The following CFH variants were observed in gnomAD, a reference collection of about 807,000 sequenced individuals.
The protein encoded by CFH is complement factor H.
A neutral mutation model predicts 147.3 loss-of-function variants in CFH; 53 were observed. That is an observed-to-expected ratio of 0.36 (90% confidence interval 0.29 to 0.45). The LOEUF (loss-of-function observed/expected upper bound fraction) is 0.45. CFH is among the 20% of genes least tolerant of loss of function. The pLI, the probability that CFH is intolerant of heterozygous loss-of-function variation, is 1.00. For missense variants in CFH, 1,380 were observed against 1,498.0 expected (o/e 0.92, Z 1.30); for synonymous variants, 536 against 489.4 (o/e 1.10, Z -1.26).
chr1:196,700,371 C>A (rs2149095837), intron 9 of CFH, among the ~76,000 whole-genome samples: 1 of 152,188 alleles, frequency 6.6e-6, no homozygotes, highest in South Asian at 2.1e-4. Context: ...TCATGGCAAG[C>A]ACCCAGACAT....
intron 2 of CFH, 127 bp downstream of exon 2, chr1:196,673,290 T>C: frequency 1.4e-6 from 1 of 719,724 alleles, no homozygotes; most frequent in Non-Finnish European, 2.2e-6. Flanking sequence ...ATACATAATC[T>C]TTTTTTTTTG....
chr1:196,716,036 A>G (rs1370579834), intron 11 of CFH, among the ~76,000 whole-genome samples: 1 of 152,060 alleles, frequency 6.6e-6, no homozygotes, highest in Non-Finnish European at 1.5e-5. Flanking sequence ...AAAGCTTTCA[A>G]ATTATTTAGA....
Position 196,725,257 on chromosome 1 carries a change from C to T in CFH, c.1833C>T (p.Cys611=), listed in dbSNP as rs748267126. ...FTIVGPNSVQ[C]YHFGLSPDLP... is the part of the protein sequence containing the mutation. ...TAGTTGGACCTAATTCCGTTCAGTG[C>T]TACCACTTTGGATTGTCTCCTGACC... Residue 611 remains cysteine (C), a synonymous_variant, in exon 12 of 22, where the codon TGC becomes TGT. Transcript: ENST00000367429. 3.3e-5 allele frequency: 53 copies of T among 1,613,810 alleles called. No homozygotes were observed. Among genetic ancestry groups the T allele is most frequent in the Non-Finnish European group, 4.3e-5 (51 of 1,179,884 alleles).
intron 17 of CFH, among the ~76,000 whole-genome samples, chr1:196,738,895 C>A (rs777661290): frequency 3.3e-5 from 5 of 152,320 alleles, no homozygotes; most frequent in Non-Finnish European, 7.4e-5. Context: ...TGGGCTCCCC[C>A]CTGCAGCAAA....
chr1:196,743,243 A>ACCCC (rs1652872969), intron 19 of CFH, among the ~76,000 whole-genome samples: 1 of 152,242 alleles, frequency 6.6e-6, no homozygotes, highest in African/African-American at 2.4e-5. Flanking sequence ...ATGAAGAAGA[A>ACCCC]ATTTAAAACA....
At chr1:196,694,292 G>A (rs577077759) in intron 9 of CFH, among the ~76,000 whole-genome samples, 1 of 152,222 alleles carries the variant, frequency 6.6e-6, no homozygotes, top group East Asian at 1.9e-4. Flanking sequence ...TGCTGAAGAT[G>A]ATGGTTTCCA....
At chr1:196,714,756 A>C (rs1668827776) in intron 10 of CFH, among the ~76,000 whole-genome samples, 1 of 140,068 alleles carries the variant, frequency 7.1e-6, no homozygotes, top group African/African-American at 2.7e-5. Context: ...GCTGGAGTGC[A>C]GTGGCATGAT....
intron 18 of CFH, 125 bp downstream of exon 18, chr1:196,740,917 G>T: frequency 1.0e-6 from 1 of 983,646 alleles, no homozygotes; most frequent in Non-Finnish European, 1.6e-6. Flanking sequence ...ATTCTGGACT[G>T]CTGTGGGAAA....
At chr1:196,691,301 C>T (rs1412722587) in intron 9 of CFH, among the ~76,000 whole-genome samples, 1 of 152,006 alleles carries the variant, frequency 6.6e-6, no homozygotes, top group Non-Finnish European at 1.5e-5. Context: ...ATTTGACTTT[C>T]TCTAGTATAT....
chr1:196,733,880 A>T (rs1417958794), intron 15 of CFH, among the ~76,000 whole-genome samples: 1 of 152,090 alleles, frequency 6.6e-6, no homozygotes, highest in Admixed American at 6.6e-5. Context: ...AAGTAGCCAC[A>T]GGAAGAATAT....
chr1:196,698,451 CAAAT>C (rs1313042563), intron 9 of CFH, among the ~76,000 whole-genome samples: 4 of 152,104 alleles, frequency 2.6e-5, no homozygotes, highest in African/African-American at 7.2e-5. Context: ...CACCTCTACA[CAAAT>C]AAAGTAGAAA....
At chr1:196,713,647 A>C in intron 9 of CFH, 88 bp from the exon 10 acceptor site, 6 of 885,112 alleles carry the variant, frequency 6.8e-6, no homozygotes, top group South Asian at 1.6e-5. Context: ...CAAATGACTC[A>C]TTATTTTTTA....
At chr1:196,736,043 T>C (rs938016390) in intron 15 of CFH, among the ~76,000 whole-genome samples, 1 of 152,010 alleles carries the variant, frequency 6.6e-6, no homozygotes, top group Non-Finnish European at 1.5e-5. Flanking sequence ...AACTCCCCCG[T>C]CAGTCAAACA....
chr1:196,732,743 G>A (rs1176640543), intron 15 of CFH, among the ~76,000 whole-genome samples: 1 of 151,992 alleles, frequency 6.6e-6, no homozygotes, highest in East Asian at 1.9e-4. Context: ...CAGGACCTGG[G>A]ACCAACAAGT....
chr1:196,733,287 C>T (rs969954979), intron 15 of CFH, among the ~76,000 whole-genome samples: 6 of 152,060 alleles, frequency 3.9e-5, no homozygotes, highest in African/African-American at 1.4e-4. Flanking sequence ...TAAGCCCTTT[C>T]GACAGAGAAA....
Position 196,690,245 on chromosome 1 carries a change from T to C in CFH, c.1336+6T>C. ...TCCCAGATGCATCCGTGTCAGTAAG[T>C]ACACTACTCTGAAATCCTAGCATGT... is the stretch of plus-strand genomic sequence containing the variant. On this transcript the variant is annotated splice_donor_region_variant and intron_variant, in intron 9 of 21. Coordinates refer to ENST00000367429, the MANE Select transcript of CFH (RefSeq NM_000186.4). 6.2e-7 allele frequency: 1 copy of C among 1,613,076 alleles called. No homozygotes were observed. Among genetic ancestry groups the C allele is most frequent in the African/African-American group, 1.3e-5 (1 of 74,970 alleles).
At chr1:196,689,297 C>T (rs1667942112) in intron 7 of CFH, 123 bp from the exon 8 acceptor site, 1 of 904,046 alleles carries the variant, frequency 1.1e-6, no homozygotes, top group Non-Finnish European at 1.7e-6. Flanking sequence ...GACCTAGAAA[C>T]CCTAATGGAA....
intron 11 of CFH, among the ~76,000 whole-genome samples, chr1:196,722,493 T>C (rs1260496967): frequency 6.6e-6 from 1 of 152,118 alleles, no homozygotes; most frequent in African/African-American, 2.4e-5. Context: ...GTTGATTAGA[T>C]GCTTTTCTCT....
chr1:196,696,422 G>T (rs1212656259), intron 9 of CFH, among the ~76,000 whole-genome samples: 2 of 152,154 alleles, frequency 1.3e-5, no homozygotes, highest in Non-Finnish European at 2.9e-5. Context: ...TGAGAAGACA[G>T]ACACAATGTA....
Sources: allele counts gnomAD v4.1 joint callset (sites outside exome capture counted in the v4.1 genomes callset), GRCh38; gene constraint gnomAD v4.1.1; transcripts MANE v1.5; gene names NCBI Gene and HGNC (gene_info 2026-07-23, HGNC 2026-07-21).